The following CDH11 variants were observed in gnomAD, a reference collection of about 807,000 sequenced individuals.
CDH11 encodes cadherin 11.
Under a neutral mutation model 67.8 loss-of-function variants are expected in CDH11, and 11 were observed. The observed-to-expected ratio is 0.16, with a 90% CI of 0.10 to 0.27. The LOEUF (loss-of-function observed/expected upper bound fraction) is 0.27, where lower values mean the gene tolerates loss of function less well. CDH11 is among the 10% of genes least tolerant of loss of function. The pLI is 1.00. For synonymous variants in CDH11, 419 were observed against 400.0 expected, an observed-to-expected ratio of 1.05 and a Z score of -0.57; for missense variants, 847 against 1,031.2, an observed-to-expected ratio of 0.82 and a Z score of 2.45.
intron 1 of CDH11, among the ~76,000 whole-genome samples, chr16:65,096,529 A>G (rs1279205009): frequency 2.0e-5 from 3 of 151,028 alleles, no homozygotes; most frequent in Non-Finnish European, 2.9e-5. Context: ...TTGTACATAT[A>G]TGTATATATA....
In CDH11 at chr16:64,947,355, T is replaced by G; in HGVS notation, c.*248A>C. On this transcript the variant is annotated 3_prime_UTR_variant, in exon 13 of 13. Transcript: ENST00000268603. Reference sequence around the variant, plus strand: ...TTCTCCTTCACTTAAATATTTTGTATGCCAAGTGTTTTTTTTTTCTAGCGA... The same window carrying G: ...TTCTCCTTCACTTAAATATTTTGTAGGCCAAGTGTTTTTTTTTTCTAGCGA... 6.3e-6 allele frequency: 8 copies of G among 1,269,042 alleles called. No individual in the cohort carries two copies. The highest frequency in any genetic ancestry group is 4.8e-5 in the South Asian group (2 of 41,912). 78.6% of individuals were successfully genotyped at this position (1,269,042 alleles called of 1,614,324 possible).
At chr16:65,039,569 T>C (rs1447938403) in intron 2 of CDH11, among the ~76,000 whole-genome samples, 1 of 152,078 alleles carries the variant, frequency 6.6e-6, no homozygotes, top group Non-Finnish European at 1.5e-5. Context: ...TTCAAATGAA[T>C]TAAAGACTTA....
intron 1 of CDH11, among the ~76,000 whole-genome samples, chr16:65,101,811 A>G (rs867643030): frequency 6.6e-6 from 1 of 152,238 alleles, no homozygotes; most frequent in African/African-American, 2.4e-5. Context: ...GATCCATAAG[A>G]ATAGATACTG....
chr16:65,015,612 C>A (rs1350783565), intron 2 of CDH11, among the ~76,000 whole-genome samples: 1 of 152,084 alleles, frequency 6.6e-6, no homozygotes, highest in Non-Finnish European at 1.5e-5. Context: ...TGGAAACAAC[C>A]AGTCCAGGTT....
At chr16:64,993,147 A>C (rs1380243293) in intron 4 of CDH11, 113 bp from the exon 5 acceptor site, 1 of 835,472 alleles carries the variant, frequency 1.2e-6, no homozygotes, top group Non-Finnish European at 1.9e-6. Context: ...CAATTATTCA[A>C]CATTCTCTCA....
At chr16:65,055,908 T>G (rs1016835825) in intron 1 of CDH11, among the ~76,000 whole-genome samples, 2 of 152,182 alleles carry the variant, frequency 1.3e-5, no homozygotes, top group African/African-American at 4.8e-5. Context: ...GATGATGTCA[T>G]GAAGGATTGT....
At chr16:65,087,518 A>G (rs932422226) in intron 1 of CDH11, among the ~76,000 whole-genome samples, 3 of 152,174 alleles carry the variant, frequency 2.0e-5, no homozygotes, top group African/African-American at 4.8e-5. Flanking sequence ...TGCTCTTAAT[A>G]TTTTTATCAG....
At chr16:65,038,836 T>C (rs756883171) in intron 2 of CDH11, among the ~76,000 whole-genome samples, 2 of 152,222 alleles carry the variant, frequency 1.3e-5, no homozygotes, top group Non-Finnish European at 2.9e-5. Flanking sequence ...TTTCGCTCCA[T>C]TCCCTTGTTT....
chr16:65,039,484 G>A (rs894034601), intron 2 of CDH11, among the ~76,000 whole-genome samples: 2 of 152,128 alleles, frequency 1.3e-5, no homozygotes, highest in African/African-American at 4.8e-5. Flanking sequence ...TTAATAAATG[G>A]TGCTGGGAAA....
At chr16:64,973,658 C>A (rs567321032) in intron 8 of CDH11, among the ~76,000 whole-genome samples, 1 of 152,040 alleles carries the variant, frequency 6.6e-6, no homozygotes, top group South Asian at 2.1e-4. Flanking sequence ...AATACAAAAA[C>A]TAGCTGGGGA....
At chr16:65,015,529 G>A (rs547596724) in intron 2 of CDH11, among the ~76,000 whole-genome samples, 75 of 152,076 alleles carry the variant, frequency 4.9e-4, no homozygotes, top group Non-Finnish European at 1.0e-3. Flanking sequence ...AGAGGAAAAA[G>A]ATAATTTTTG....
chr16:65,116,746 TA>T (rs937222489), intron 1 of CDH11, among the ~76,000 whole-genome samples: 5 of 146,038 alleles, frequency 3.4e-5, no homozygotes. Flanking sequence ...TCAATTGGCT[TA>T]ATAAGGATAG....
intron 1 of CDH11, among the ~76,000 whole-genome samples, chr16:65,110,527 G>A (rs2075138393): frequency 6.6e-6 from 1 of 152,062 alleles, no homozygotes; most frequent in African/African-American, 2.4e-5. Flanking sequence ...CTGGACATGG[G>A]TGGCTATGGG....
chr16:65,057,735 G>A (rs956667581), intron 1 of CDH11, among the ~76,000 whole-genome samples: 1 of 152,176 alleles, frequency 6.6e-6, no homozygotes, highest in Non-Finnish European at 1.5e-5. Context: ...AGGAGATGGA[G>A]TTACTCCGTT....
chr16:65,068,504 ACT>A (rs1271913801), intron 1 of CDH11, among the ~76,000 whole-genome samples: 1 of 151,248 alleles, frequency 6.6e-6, no homozygotes, highest in African/African-American at 2.4e-5. Flanking sequence ...CCTAAAGAAG[ACT>A]CTCTCCCGTG....
At chr16:64,992,148 T>C (rs2072643504) in intron 5 of CDH11, among the ~76,000 whole-genome samples, 1 of 152,208 alleles carries the variant, frequency 6.6e-6, no homozygotes, top group East Asian at 1.9e-4. Context: ...AGCATTTGTA[T>C]TTATGTTTTG....
At chr16:65,025,556 T>G (rs1567534918) in intron 2 of CDH11, among the ~76,000 whole-genome samples, 1 of 152,170 alleles carries the variant, frequency 6.6e-6, no homozygotes, top group Non-Finnish European at 1.5e-5. Flanking sequence ...TTGGCCAGAC[T>G]GGTCTTGAAC....
In CDH11 at chr16:64,983,215, T is replaced by G. The variant is rs117190398; in HGVS notation, c.1000-914A>C. 4.6e-4 allele frequency: 66 copies of G among 144,594 alleles called. No individual in the cohort carries two copies. The East Asian group carries it at 0.013, about 28-fold the overall frequency. 9.0% of individuals were successfully genotyped at this position (144,594 alleles called of 1,614,324 possible). ...AAAAACAAATGAAAGCAGTAAAATT[T>G]TACACAAATATGAAAGAAAAAAAAT... On this transcript the variant is annotated intron_variant, in intron 7 of 12. Coordinates refer to ENST00000268603, the MANE Select transcript of CDH11 (RefSeq NM_001797.4).
chr16:65,053,067 G>A (rs1303956651), intron 2 of CDH11, among the ~76,000 whole-genome samples: 1 of 152,158 alleles, frequency 6.6e-6, no homozygotes, highest in Non-Finnish European at 1.5e-5. Flanking sequence ...CGAGCCGTAG[G>A]CACTTGGATA....
Sources: allele counts gnomAD v4.1 joint callset (sites outside exome capture counted in the v4.1 genomes callset), GRCh38; gene constraint gnomAD v4.1.1; transcripts MANE v1.5; gene names NCBI Gene and HGNC (gene_info 2026-07-23, HGNC 2026-07-21).